Variants in SMIM36 observed in about 807,000 individuals in gnomAD.
The protein encoded by SMIM36 is small integral membrane protein 36.
At chr17:55,531,122 T>A in the SMIM36 span, among the ~76,000 whole-genome samples, 1 of 152,164 alleles carries the variant, frequency 6.6e-6, no homozygotes, top group East Asian at 1.9e-4. Flanking sequence ...ATTATCAACT[T>A]TCAGTGGCTC....
At position 55,492,622 on chromosome 17, in the gene SMIM36, C is replaced by G. The variant is rs570278097; in HGVS notation, c.*175-13042G>C. 2.5e-3 allele frequency among the ~76,000 whole-genome samples: 346 copies of G among 138,230 alleles called. 1 individual carries two copies. The highest frequency in any genetic ancestry group is 0.01 in the African/African-American group (332 of 31,934). 90.7% of individuals were successfully genotyped at this position (138,230 alleles called of 152,430 possible). On this transcript the variant is annotated intron_variant, in intron 1 of 4. Coordinates refer to ENST00000636752, the Ensembl canonical transcript of SMIM36. ...CTGAGCACAATTTCTAACAAATACA[C>G]CCACTTAAAAAAAAAAAAAGAAAAA...
At chr17:55,526,574 A>G in the SMIM36 span, among the ~76,000 whole-genome samples, 1 of 152,212 alleles carries the variant, frequency 6.6e-6, no homozygotes, top group African/African-American at 2.4e-5. Flanking sequence ...CCTCGCCAGC[A>G]GAGGGCATTA....
At chr17:55,458,759 G>A (rs558249141) in intron 4 of SMIM36, among the ~76,000 whole-genome samples, 8 of 152,236 alleles carry the variant, frequency 5.3e-5, no homozygotes, top group Non-Finnish European at 1.0e-4. Context: ...GGCAGTGGGA[G>A]GACAGCCGGG....
chr17:55,524,957 C>A, the SMIM36 span, among the ~76,000 whole-genome samples: 2 of 152,192 alleles, frequency 1.3e-5, no homozygotes, highest in African/African-American at 4.8e-5. Flanking sequence ...ATCCTCCCAG[C>A]AACTCTATGG....
chr17:55,495,684 G>A (rs528193366), intron 1 of SMIM36, among the ~76,000 whole-genome samples: 1 of 151,526 alleles, frequency 6.6e-6, no homozygotes, highest in African/African-American at 2.4e-5. Flanking sequence ...AAGCACCCAA[G>A]TAGTCCCAGC....
At chr17:55,518,042 C>T in the SMIM36 span, among the ~76,000 whole-genome samples, 1 of 152,154 alleles carries the variant, frequency 6.6e-6, no homozygotes, top group Admixed American at 6.5e-5. Flanking sequence ...AAGTATGTAT[C>T]TTAGTCCATT....
chr17:55,510,151 C>T (rs899604133), intron 1 of SMIM36, among the ~76,000 whole-genome samples: 1 of 152,004 alleles, frequency 6.6e-6, no homozygotes, highest in African/African-American at 2.4e-5. Flanking sequence ...TTAACCATGG[C>T]CACACAGCTA....
upstream of SMIM36, among the ~76,000 whole-genome samples, chr17:55,514,556 C>T (rs1910235279): frequency 1.3e-5 from 2 of 152,038 alleles, no homozygotes; most frequent in African/African-American, 4.8e-5. Context: ...CCCTTTTTCC[C>T]TCTCACCCTC....
intron 1 of SMIM36, among the ~76,000 whole-genome samples, chr17:55,491,676 T>C (rs917605700): frequency 1.3e-5 from 2 of 152,194 alleles, no homozygotes; most frequent in African/African-American, 4.8e-5. Flanking sequence ...CTATTCCCTC[T>C]TTCTCCCCTC....
chr17:55,478,432 G>T (rs1909463063), intron 3 of SMIM36, among the ~76,000 whole-genome samples: 1 of 151,946 alleles, frequency 6.6e-6, no homozygotes, highest in Non-Finnish European at 1.5e-5. Flanking sequence ...ATCTTGCCTT[G>T]TTGCCCAGGC....
chr17:55,478,376 G>A (rs1008123987), intron 3 of SMIM36, among the ~76,000 whole-genome samples: 1 of 151,902 alleles, frequency 6.6e-6, no homozygotes, highest in Non-Finnish European at 1.5e-5. Flanking sequence ...TGGGACTACA[G>A]GTGCCACAAT....
intron 3 of SMIM36, among the ~76,000 whole-genome samples, chr17:55,467,709 G>A (rs1909266857): frequency 6.6e-6 from 1 of 152,102 alleles, no homozygotes; most frequent in Non-Finnish European, 1.5e-5. Context: ...CATATTTTTA[G>A]TTTGATAAAT....
chr17:55,463,755 GT>G (rs199865368), intron 4 of SMIM36, among the ~76,000 whole-genome samples: 3 of 151,034 alleles, frequency 2.0e-5, no homozygotes, highest in South Asian at 2.1e-4. Context: ...GGTAATCTGT[GT>G]TTTTTTTTCT....
At chr17:55,511,518 C>T, upstream of SMIM36, 1 of 363,640 alleles carries the variant, frequency 2.7e-6, no homozygotes, top group East Asian at 4.0e-5. Flanking sequence ...CTTAAGCTTG[C>T]TGTTAATACC....
chr17:55,466,465 T>C (rs902439545), intron 4 of SMIM36, among the ~76,000 whole-genome samples: 1 of 151,958 alleles, frequency 6.6e-6, no homozygotes, highest in Admixed American at 6.6e-5. Context: ...CCATGATAAA[T>C]GTAGGACAAA....
rs1020329072 is a variant in SMIM36, at chr17:55,469,852, C to T, written c.*348-2524G>A. ...AATTAGCCGGGCATGGTGGCACATG[C>T]CTGTAGTCCCAAGTCCCAGTTTGGA... On this transcript the variant is annotated intron_variant, in intron 3 of 4. Transcript: ENST00000636752. Among the ~76,000 whole-genome samples the T allele has an allele frequency of 4.6e-5, 7 of 152,260 alleles. No individual in the cohort carries two copies. In the South Asian group the frequency reaches 1.2e-3, roughly 27 times the overall value.
At chr17:55,497,894 C>T (rs891059291) in intron 1 of SMIM36, among the ~76,000 whole-genome samples, 1 of 152,116 alleles carries the variant, frequency 6.6e-6, no homozygotes, top group African/African-American at 2.4e-5. Flanking sequence ...CAACTCATTG[C>T]ACATCCTAAA....
At chr17:55,495,515 C>G (rs182083075) in intron 1 of SMIM36, among the ~76,000 whole-genome samples, 1 of 152,082 alleles carries the variant, frequency 6.6e-6, no homozygotes, top group African/African-American at 2.4e-5. Context: ...ATAGACTGGG[C>G]GTGGTGGCTC....
upstream of SMIM36, among the ~76,000 whole-genome samples, chr17:55,513,006 T>C (rs1022536805): frequency 5.3e-5 from 8 of 152,176 alleles, no homozygotes; most frequent in African/African-American, 1.7e-4. Flanking sequence ...AATAATATCG[T>C]CCATGATTCT....
Sources: allele counts gnomAD v4.1 joint callset (sites outside exome capture counted in the v4.1 genomes callset), GRCh38; gene constraint gnomAD v4.1.1; transcripts MANE v1.5; gene names NCBI Gene and HGNC (gene_info 2026-07-23, HGNC 2026-07-21).